The following ARHGAP30 variants were observed in gnomAD, a reference collection of about 807,000 sequenced individuals.
ARHGAP30 encodes Rho GTPase activating protein 30.
ARHGAP30 carries 23 observed loss-of-function variants against 72.0 expected under a neutral mutation model. The ratio of observed to expected loss-of-function variants is 0.32; its 90% CI spans 0.23 to 0.45. ARHGAP30 has a LOEUF of 0.45. Ranked by LOEUF, ARHGAP30 falls within the 20% of genes least tolerant of loss-of-function variation. The pLI, the probability that ARHGAP30 is intolerant of heterozygous loss-of-function variation, is 1.00. For synonymous variants in ARHGAP30, 576 were observed against 528.2 expected (o/e 1.09, Z -1.24); for missense variants, 1,319 against 1,383.4 (o/e 0.95, Z 0.74).
chr1:161,049,105 C>G lies in ARHGAP30; in HGVS notation c.1916G>C (p.Gly639Ala). Residue 639 changes from glycine (G) to alanine (A), a missense_variant, in exon 12 of 12, where the codon GGA (glycine) becomes GCA (alanine). Coordinates refer to ENST00000368013, the MANE Select transcript of ARHGAP30 (RefSeq NM_001025598.2). ...CTGTCCCAGAGCCTGCCTTCCACAT[C>G]CTGCTGCCTCTCCCTCCAGACTCCC... Reference protein sequence around the residue: ...GSGSLEGEAAGCGRQALGQGG... With the variant: ...GSGSLEGEAAACGRQALGQGG... The G allele has an allele frequency of 6.2e-7, 1 of 1,614,182 alleles. No individual in the cohort carries two copies. The highest frequency in any genetic ancestry group is 1.1e-5 in the South Asian group (1 of 91,084).
In ARHGAP30 at chr1:161,069,179, C is replaced by G. The variant is rs1158933880; in HGVS notation, c.97+349G>C. ...CCCCTTCAGCCACTCCTCTCCTGACCCTGTCGCCTCACCCTCCCTCTCCTG... is the reference window on the plus strand; with the variant it reads ...CCCCTTCAGCCACTCCTCTCCTGACGCTGTCGCCTCACCCTCCCTCTCCTG... On this transcript the variant is annotated intron_variant, in intron 1 of 11. Transcript: ENST00000368013. This position sits in a 1 kb window ranked among gnomAD's most constrained non-coding sequence, Gnocchi z 4.9. Among the ~76,000 whole-genome samples the G allele has an allele frequency of 6.6e-6, 1 of 152,024 alleles. No individual in the cohort carries two copies. Among genetic ancestry groups the G allele is most frequent in the Non-Finnish European group, 1.5e-5 (1 of 67,986 alleles).
chr1:161,048,750 T>C lies in ARHGAP30; in HGVS notation c.2271A>G (p.Gln757=), dbSNP rs1651087908. ...CAGCTTCTACCTGGGCTTCCTCTCT[T>C]TGTTCATCCTCTTCTCTCTCAATTT... ...EKEIEREEDE[Q]REEAQVEAGR... The change falls in exon 12 of 12, where the codon CAA becomes CAG. Residue 757 remains glutamine, a synonymous_variant. Transcript: ENST00000368013. 6.2e-7 allele frequency: 1 copy of C among 1,613,942 alleles called. No individual in the cohort carries two copies. The highest frequency in any genetic ancestry group is 1.7e-5 in the Admixed American group (1 of 59,990).
Position 161,047,840 on chromosome 1 carries a change from C to G in ARHGAP30, c.3181G>C (p.Gly1061Arg), listed in dbSNP as rs771435241. Residue 1061 changes from glycine (G) to arginine (R), a missense_variant, in exon 12 of 12, where the codon GGA becomes CGA. By Grantham distance (125) the Gly-to-Arg change is moderately radical. Transcript: ENST00000368013. ...GGCAGACTAAGACGACTCCGGGATC[C>G]AGACCCTTCTGCACCTTCAGATGGG... ...ELPSEGAEGSGSRSRLSLPPR... is the reference protein window; with the variant it reads ...ELPSEGAEGSRSRSRLSLPPR... 1 of 1,611,466 alleles carries G rather than the reference C, an allele frequency of 6.2e-7. No individual in the cohort carries two copies.
In ARHGAP30 at chr1:161,069,804, G is replaced by A. The variant is rs779457337; in HGVS notation, c.-180C>T. On this transcript the variant is annotated 5_prime_UTR_variant, in exon 1 of 12. Transcript: ENST00000368013. The surrounding 1 kb of genome is among the most constrained non-coding windows in gnomAD (Gnocchi z 4.9). ...CAGCAGCTCCTGCCCCTGGGGCCCC[G>A]GCCACACGGAAGTGGCTGTTGAAGA... is the stretch of plus-strand genomic sequence containing the variant. The A allele has an allele frequency of 1.0e-4, 64 of 615,104 alleles. No individual in the cohort carries two copies. The highest frequency in any genetic ancestry group is 2.7e-4 in the Middle Eastern group (1 of 3,706). The allele number at this position is 615,104 out of a possible 1,614,324, so 38.1% of individuals were successfully genotyped here.
intron 9 of ARHGAP30, 50 bp from the exon 10 acceptor site, chr1:161,051,765 G>A: frequency 6.7e-7 from 1 of 1,501,992 alleles, no homozygotes; most frequent in South Asian, 1.3e-5. Context: ...ACTCCAAGGG[G>A]CCTAGACATC....
intron 7 of ARHGAP30, 29 bp from the exon 8 acceptor site, chr1:161,052,572 G>C: frequency 6.2e-7 from 1 of 1,614,070 alleles, no homozygotes; most frequent in African/African-American, 1.3e-5. Context: ...CATAATTGGA[G>C]GTTGGAACAT....
intron 1 of ARHGAP30, among the ~76,000 whole-genome samples, chr1:161,060,643 T>C (rs1000337060): frequency 1.3e-5 from 2 of 148,292 alleles, no homozygotes; most frequent in African/African-American, 2.5e-5. Flanking sequence ...CTGTAATTAC[T>C]AGTTATTTTT....
rs1425151727 is a variant in ARHGAP30 at position 161,047,088 on chromosome 1, A to G, written c.*627T>C. The G allele has an allele frequency of 1.8e-5, 8 of 432,952 alleles. No individual in the cohort carries two copies. The highest frequency in any genetic ancestry group is 3.8e-5 in the Non-Finnish European group (8 of 212,788). The allele number at this position is 432,952 out of a possible 1,614,324, so 26.8% of individuals were successfully genotyped here. A position where few individuals can be genotyped will look rare whatever the true frequency, so the allele number is the denominator to read the frequency against. ...ATAGGAACAAGTTATTCCAAAGGAG[A>G]AAGGAGAGCCCAGAGAGATCTGTAC... is the stretch of plus-strand genomic sequence containing the variant. On this transcript the variant is annotated 3_prime_UTR_variant, in exon 12 of 12. Coordinates refer to ENST00000368013, the MANE Select transcript of ARHGAP30 (RefSeq NM_001025598.2).
intron 2 of ARHGAP30, 40 bp from the exon 3 acceptor site, chr1:161,056,572 G>C (rs1651892542): frequency 6.3e-7 from 1 of 1,594,008 alleles, no homozygotes; most frequent in Non-Finnish European, 8.5e-7. Flanking sequence ...TAGGGGTTGG[G>C]GTGATGTGGG....
chr1:161,069,792 C>T lies in ARHGAP30; in HGVS notation c.-168G>A. The T allele has an allele frequency of 1.5e-6, 1 of 648,898 alleles. No homozygotes were observed. Among genetic ancestry groups the T allele is most frequent in the Non-Finnish European group, 2.6e-6 (1 of 378,778 alleles). The allele number at this position is 648,898 out of a possible 1,614,324, so 40.2% of individuals were successfully genotyped here. ...CTGGGCAACGGGCAGCAGCTCCTGC[C>T]CCTGGGGCCCCGGCCACACGGAAGT... On this transcript the variant is annotated 5_prime_UTR_variant, in exon 1 of 12. Transcript: ENST00000368013. The surrounding 1 kb of genome is among the most constrained non-coding windows in gnomAD (Gnocchi z 4.9).
In ARHGAP30 at chr1:161,047,985, A is replaced by G. The variant is rs369242223; in HGVS notation, c.3036T>C (p.Ala1012=). Residue 1012 remains alanine (A), a synonymous_variant, in exon 12 of 12, where the codon GCT becomes GCC. Transcript: ENST00000368013. ...AGGTCTGGGTTCGCCGAACTCCTTG[A>G]GCCTCAGTCCTTTGGCGGTCCCGGG... ...ALARDRQRTE[A]QGVRRTQTCT... 2.5e-4 allele frequency: 407 copies of G among 1,614,012 alleles called. 1 individual carries two copies. Among genetic ancestry groups the G allele is most frequent in the Non-Finnish European group, 3.3e-4 (395 of 1,180,006 alleles).
rs1650954284 is a variant in ARHGAP30, at chr1:161,047,662, C to T, written c.*53G>A. ...CAGAGGAGACAGCTAGTCAGGAACC[C>T]TGGAGATTCAAGACAACTTGCTGGT... is the stretch of plus-strand genomic sequence containing the variant. On this transcript the variant is annotated 3_prime_UTR_variant, in exon 12 of 12. Transcript: ENST00000368013. 6.0e-6 allele frequency: 9 copies of T among 1,488,070 alleles called. No individual in the cohort carries two copies. Among genetic ancestry groups the T allele is most frequent in the Non-Finnish European group, 7.2e-6 (8 of 1,117,180 alleles). 92.2% of individuals were successfully genotyped at this position (1,488,070 alleles called of 1,614,324 possible). A position where few individuals can be genotyped will look rare whatever the true frequency, so the allele number is the denominator to read the frequency against.
In ARHGAP30 at chr1:161,055,928, A is replaced by T. The variant is rs1368138162; in HGVS notation, c.345+460T>A. ...AATAAAATAAAATAAAATAAAATAAAATAAAATAAATATAAAATAAAATAA... is the reference window on the plus strand; with the variant it reads ...AATAAAATAAAATAAAATAAAATAATATAAAATAAATATAAAATAAAATAA... On this transcript the variant is annotated intron_variant, in intron 3 of 11. Transcript: ENST00000368013. Among the ~76,000 whole-genome samples the T allele has an allele frequency of 6.1e-4, 18 of 29,432 alleles. 2 individuals are homozygous for T. Among genetic ancestry groups the T allele is most frequent in the African/African-American group, 1.9e-3 (16 of 8,222 alleles). 19.3% of individuals were successfully genotyped at this position (29,432 alleles called of 152,430 possible). A position where few individuals can be genotyped will look rare whatever the true frequency, so the allele number is the denominator to read the frequency against.
rs1346221840 is a variant in ARHGAP30, at chr1:161,048,410, C to CCAGGGA, written c.2605_2610dup (p.Ser869_Leu870dup). ...TTGCCCTCTTTGGCACAGTCAACCT[C>CCAGGGA]CAGGGACGCTACACCTGAACCTTCA... On this transcript the variant is annotated inframe_insertion, in exon 12 of 12. Transcript: ENST00000368013. 2 of 1,614,112 alleles carry CCAGGGA rather than the reference C, an allele frequency of 1.2e-6. No homozygotes were observed. Among genetic ancestry groups the CCAGGGA allele is most frequent in the East Asian group, 4.5e-5 (2 of 44,884 alleles).
In ARHGAP30 at chr1:161,047,180, C is replaced by G; in HGVS notation, c.*535G>C. The stretch of plus-strand genomic sequence containing the variant: ...GAGCTGGAGAGGAGTCCAGTCCCTC[C>G]AACAAATATTGAGGGCTTCAAAGAG... On this transcript the variant is annotated 3_prime_UTR_variant, in exon 12 of 12. Transcript: ENST00000368013. 1 of 261,890 alleles carries G rather than the reference C, an allele frequency of 3.8e-6. No individual in the cohort carries two copies. The highest frequency in any genetic ancestry group is 8.3e-6 in the Non-Finnish European group (1 of 120,644). 16.2% of individuals were successfully genotyped at this position (261,890 alleles called of 1,614,324 possible).
intron 9 of ARHGAP30, among the ~76,000 whole-genome samples, 174 bp downstream of exon 9, chr1:161,052,112 T>G (rs898761824): frequency 3.3e-5 from 5 of 151,522 alleles, no homozygotes; most frequent in Non-Finnish European, 7.4e-5. Context: ...AGTCATAGAT[T>G]AGACAATCAA....
Position 161,054,461 on chromosome 1 carries a change from G to A in ARHGAP30, c.441C>T (p.Phe147=). Residue 147 remains phenylalanine (F), a synonymous_variant, in exon 5 of 12, where the codon TTC becomes TTT. Transcript: ENST00000368013. ...CCATGTGTACCAAGTGCCTCATGAGGAACTCCAGGGTCCTGCAGAAAGCGG... is the reference window on the plus strand; with the variant it reads ...CCATGTGTACCAAGTGCCTCATGAGAAACTCCAGGGTCCTGCAGAAAGCGG... ...LPVPNYRTLE[F]LMRHLVHMAS... The A allele has an allele frequency of 1.2e-6, 2 of 1,613,836 alleles. No individual in the cohort carries two copies. The highest frequency in any genetic ancestry group is 1.1e-5 in the South Asian group (1 of 91,038).
intron 2 of ARHGAP30, among the ~76,000 whole-genome samples, chr1:161,057,403 G>A (rs902662629): frequency 1.3e-5 from 2 of 152,184 alleles, no homozygotes; most frequent in Non-Finnish European, 2.9e-5. Flanking sequence ...GAATAAACAT[G>A]GTATTGCTCC....
chr1:161,058,390 G>T (rs1652044990), intron 2 of ARHGAP30, among the ~76,000 whole-genome samples: 1 of 152,074 alleles, frequency 6.6e-6, no homozygotes, highest in South Asian at 2.1e-4. Flanking sequence ...ACTTTGAGAG[G>T]CTAAGGCAGG....
Sources: allele counts gnomAD v4.1 joint callset (sites outside exome capture counted in the v4.1 genomes callset), GRCh38; gene constraint gnomAD v4.1.1; non-coding constraint Gnocchi (gnomAD v3.1); transcripts MANE v1.5; gene names NCBI Gene and HGNC (gene_info 2026-07-23, HGNC 2026-07-21).